NCOA1: variants seen among roughly 807,000 people sequenced by gnomAD.
NCOA1 encodes the protein Hin-2 protein.
A neutral mutation model predicts 150.9 loss-of-function variants in NCOA1; 35 were observed. That is an observed-to-expected ratio of 0.23 (90% CI 0.18 to 0.31). The LOEUF (loss-of-function observed/expected upper bound fraction) is 0.31, where lower values mean the gene tolerates loss of function less well. Among genes scored for constraint, NCOA1 ranks in the 10% least tolerant of loss-of-function variants. The pLI, the probability that NCOA1 is intolerant of heterozygous loss-of-function variation, is 1.00. For synonymous variants in NCOA1, 590 were observed against 630.0 expected (o/e 0.94, Z 0.95); for missense variants, 1,491 against 1,749.3 (o/e 0.85, Z 2.63).
chr2:24,653,125 G>A (rs575408937), intron 4 of NCOA1, among the ~76,000 whole-genome samples: 6 of 152,272 alleles, frequency 3.9e-5, no homozygotes, highest in African/African-American at 1.2e-4. Flanking sequence ...AGATATAGCA[G>A]TTGTGAATCT....
intron 8 of NCOA1, among the ~76,000 whole-genome samples, chr2:24,685,783 C>A (rs1021810764): frequency 1.3e-5 from 2 of 152,108 alleles, no homozygotes; most frequent in Middle Eastern, 6.3e-3. Flanking sequence ...CTGGCTTTAT[C>A]TAAATGTTTT....
At chr2:24,514,744 C>T (rs1454531470) in intron 1 of NCOA1, among the ~76,000 whole-genome samples, 3 of 151,778 alleles carry the variant, frequency 2.0e-5, no homozygotes, top group African/African-American at 4.8e-5. Context: ...TGCCACTGTG[C>T]TCCAGCCTGG....
intron 4 of NCOA1, among the ~76,000 whole-genome samples, chr2:24,654,649 T>C (rs1426449701): frequency 1.3e-5 from 2 of 152,180 alleles, no homozygotes; most frequent in Non-Finnish European, 2.9e-5. Context: ...CTGTTGTTAA[T>C]CCTCCAGTGA....
chr2:24,640,120 T>C (rs1264441064), intron 3 of NCOA1, among the ~76,000 whole-genome samples: 1 of 151,870 alleles, frequency 6.6e-6, no homozygotes, highest in Non-Finnish European at 1.5e-5. Context: ...TTTCTACCTA[T>C]TTAAGACTTT....
chr2:24,508,782 A>AT (rs1297767631), intron 1 of NCOA1, among the ~76,000 whole-genome samples: 3 of 152,064 alleles, frequency 2.0e-5, no homozygotes, highest in Non-Finnish European at 2.9e-5. Flanking sequence ...TTAAGATGTT[A>AT]TTTTTTTGGT....
intron 17 of NCOA1, among the ~76,000 whole-genome samples, chr2:24,737,750 C>G (rs1663396450): frequency 6.6e-6 from 1 of 152,194 alleles, no homozygotes. Flanking sequence ...TCTATGCAGA[C>G]AAAGCACCTG....
At chr2:24,607,628 T>G (rs2148374073) in intron 3 of NCOA1, among the ~76,000 whole-genome samples, 1 of 152,006 alleles carries the variant, frequency 6.6e-6, no homozygotes, top group South Asian at 2.1e-4. Flanking sequence ...GGGTGGAGAT[T>G]GCAGTGAGCC....
At position 24,551,634 on chromosome 2, in the gene NCOA1, G is replaced by A. The variant is rs184832342; in HGVS notation, c.-395-12661G>A. Among the ~76,000 whole-genome samples the A allele has an allele frequency of 1.2e-3, 184 of 152,228 alleles. 2 individuals carry two copies. In the Middle Eastern group the frequency reaches 0.034, roughly 28 times the overall value. ...GAACATTTGCTTATGTATTGTCTAT[G>A]GCTGCTTTCATGCTACAATGGCAGA... On this transcript the variant is annotated intron_variant, in intron 1 of 22. Transcript: ENST00000348332.
At chr2:24,680,535 G>A (rs747504142) in intron 7 of NCOA1, among the ~76,000 whole-genome samples, 1 of 152,184 alleles carries the variant, frequency 6.6e-6, no homozygotes, top group African/African-American at 2.4e-5. Flanking sequence ...AAACTCATAG[G>A]AGAGAGTAGA....
intron 1 of NCOA1, among the ~76,000 whole-genome samples, chr2:24,555,065 GAGAA>G (rs112324463): frequency 5.3e-4 from 81 of 152,114 alleles, no homozygotes; most frequent in African/African-American, 1.9e-3. Flanking sequence ...GCAAGAGAAA[GAGAA>G]AGAAAAAGAA....
intron 1 of NCOA1, among the ~76,000 whole-genome samples, chr2:24,513,396 C>CT (rs964339499): frequency 1.5e-4 from 23 of 151,348 alleles, no homozygotes; most frequent in East Asian, 3.9e-4. Flanking sequence ...TTGCAGTACC[C>CT]TTTTTTTTTC....
intron 3 of NCOA1, among the ~76,000 whole-genome samples, chr2:24,619,086 TCTG>T (rs1196274760): frequency 6.6e-6 from 1 of 152,216 alleles, no homozygotes; most frequent in East Asian, 1.9e-4. Flanking sequence ...TTAAAACTCT[TCTG>T]CTATAGTCAA....
intron 14 of NCOA1, among the ~76,000 whole-genome samples, chr2:24,722,218 A>G (rs1674390087): frequency 6.6e-6 from 1 of 152,210 alleles, no homozygotes; most frequent in South Asian, 2.1e-4. Context: ...ATGCACACAC[A>G]CACACCCAAG....
At position 24,550,473 on chromosome 2, in the gene NCOA1, G is replaced by A. The variant is rs556120620; in HGVS notation, c.-395-13822G>A. 2.6e-5 allele frequency among the ~76,000 whole-genome samples: 4 copies of A among 152,178 alleles called. No homozygotes were observed. In the East Asian group the frequency reaches 7.7e-4, roughly 29 times the overall value. ...ATGGCAGCAGGTTGAGAGAGAGCTA[G>A]TGCTGGGAAACTCCCCCTTATGAAA... On this transcript the variant is annotated intron_variant, in intron 1 of 22. Transcript: ENST00000348332.
chr2:24,705,384 A>G, intron 12 of NCOA1, 151 bp downstream of exon 12: 6 of 682,100 alleles, frequency 8.8e-6, no homozygotes, highest in Non-Finnish European at 1.4e-5. Flanking sequence ...ATATATCCAT[A>G]TTGGGTTTTA....
Position 24,608,024 on chromosome 2 carries a change from C to T in NCOA1, c.-175+23464C>T, listed in dbSNP as rs72788609. Among the ~76,000 whole-genome samples the T allele has an allele frequency of 9.7e-3, 1,478 of 152,068 alleles. 5 individuals are homozygous for T. The highest frequency in any genetic ancestry group is 0.016 in the Non-Finnish European group (1,061 of 67,974). On this transcript the variant is annotated intron_variant, in intron 3 of 22. Coordinates refer to ENST00000348332, the MANE Select transcript of NCOA1 (RefSeq NM_003743.5). The stretch of plus-strand genomic sequence containing the variant: ...TGGAGTTGATTCTAAGTAGGTTTAT[C>T]GCTTAGTCACCAAATCTTGTACTTT...
chr2:24,645,366 G>T (rs1419613131), intron 4 of NCOA1, among the ~76,000 whole-genome samples: 1 of 151,428 alleles, frequency 6.6e-6, no homozygotes, highest in African/African-American at 2.4e-5. Flanking sequence ...AGCCAGGCGT[G>T]GTGGTGGGCG....
At chr2:24,631,694 T>A (rs1485949570) in intron 3 of NCOA1, among the ~76,000 whole-genome samples, 1 of 152,078 alleles carries the variant, frequency 6.6e-6, no homozygotes, top group Non-Finnish European at 1.5e-5. Flanking sequence ...GGAAGATGGA[T>A]TTTTTTTCCT....
At chr2:24,650,341 C>T (rs1670658520) in intron 4 of NCOA1, among the ~76,000 whole-genome samples, 1 of 151,970 alleles carries the variant, frequency 6.6e-6, no homozygotes, top group African/African-American at 2.4e-5. Flanking sequence ...GGCCCATATA[C>T]AGGAAAAATA....
Sources: allele counts gnomAD v4.1 joint callset (sites outside exome capture counted in the v4.1 genomes callset), GRCh38; gene constraint gnomAD v4.1.1; transcripts MANE v1.5; gene names NCBI Gene and HGNC (gene_info 2026-07-23, HGNC 2026-07-21).